FSTL5: variants seen among roughly 807,000 people sequenced by gnomAD.
FSTL5 encodes the protein follistatin like 5, also known as follistatin-related protein 5.
In FSTL5, 62 loss-of-function variants were observed where a neutral mutation model predicts 89.1. The ratio of observed to expected loss-of-function variants is 0.70; its 90% CI spans 0.57 to 0.86. FSTL5 has a LOEUF of 0.86. FSTL5 is among the 40% of genes least tolerant of loss of function. The pLI, the probability that FSTL5 is intolerant of heterozygous loss-of-function variation, is 0.00. For synonymous variants in FSTL5, 383 were observed against 346.2 expected (o/e 1.11, Z -1.18); for missense variants, 1,057 against 1,001.6 (o/e 1.06, Z -0.75).
At chr4:162,014,236 A>T (rs1053591896) in intron 3 of FSTL5, among the ~76,000 whole-genome samples, 2 of 152,228 alleles carry the variant, frequency 1.3e-5, no homozygotes, top group Admixed American at 1.3e-4. Flanking sequence ...TACCACTTAG[A>T]TTTTAAAGAA....
rs568333046 is a variant in FSTL5 at position 161,838,887 on chromosome 4, C to T, written c.410-62813G>A. ...CCAGAAATCATAGCAAGTATTTACT[C>T]TGAACGCAATGGAATTATTAAACAT... On this transcript the variant is annotated intron_variant, in intron 4 of 15. Coordinates refer to ENST00000306100, the MANE Select transcript of FSTL5 (RefSeq NM_020116.5). Among the ~76,000 whole-genome samples, 38 of 149,138 alleles carry T rather than the reference C, an allele frequency of 2.5e-4. 1 individual carries two copies. The South Asian group carries it at 7.5e-3, about 30-fold the overall frequency.
intron 6 of FSTL5, among the ~76,000 whole-genome samples, chr4:161,672,144 C>A (rs1737138381): frequency 6.6e-6 from 1 of 152,144 alleles, no homozygotes; most frequent in African/African-American, 2.4e-5. Context: ...CCACGACTTT[C>A]TCTCCAAGAA....
rs1279438813 is a variant in FSTL5 at position 161,918,913 on chromosome 4, GATTACCAGGGTGAGCC to G, written c.409+1475_409+1490del. On this transcript the variant is annotated intron_variant, in intron 4 of 15. Transcript: ENST00000306100. ...CCACCTTGGCCTCCGAAAGTGCTGG[GATTACCAGGGTGAGCC>G]ACCATGCCAGGACCCCACATGATAT... is the stretch of plus-strand genomic sequence containing the variant. Among the ~76,000 whole-genome samples, 106 of 152,158 alleles carry G rather than the reference GATTACCAGGGTGAGCC, an allele frequency of 7.0e-4. 1 individual carries two copies. The highest frequency in any genetic ancestry group is 1.9e-3 in the African/African-American group (78 of 41,502).
chr4:161,436,541 A>C (rs1229671641), intron 15 of FSTL5, among the ~76,000 whole-genome samples: 1 of 152,180 alleles, frequency 6.6e-6, no homozygotes, highest in African/African-American at 2.4e-5. Flanking sequence ...ACTTCTCCAG[A>C]ATAGGTTCAC....
In FSTL5 at chr4:161,607,630, T is replaced by C. The variant is rs891245756; in HGVS notation, c.895-20055A>G. Among the ~76,000 whole-genome samples, 5 of 152,170 alleles carry C rather than the reference T, an allele frequency of 3.3e-5. No individual in the cohort carries two copies. In the East Asian group the frequency reaches 9.6e-4, roughly 29 times the overall value. On this transcript the variant is annotated intron_variant, in intron 7 of 15. Transcript: ENST00000306100. ...TGCATGGCTATATTTTCAGATATCC[T>C]ATGGGAATGGATAATTTTCTTTTAA... is the stretch of plus-strand genomic sequence containing the variant.
At chr4:161,644,794 A>T (rs1306197423) in intron 7 of FSTL5, among the ~76,000 whole-genome samples, 1 of 152,208 alleles carries the variant, frequency 6.6e-6, no homozygotes, top group Non-Finnish European at 1.5e-5. Context: ...TTGAAAGCGA[A>T]GGAGAAGTCT....
In FSTL5 at chr4:161,451,491, A is replaced by T. The variant is rs114618915; in HGVS notation, c.1841+3513T>A. On this transcript the variant is annotated intron_variant, in intron 15 of 15. Transcript: ENST00000306100. ...GGAAAATTGCAAATAATCAACAGGG[A>T]GCCAGTTTCCCAGTAGAGATTACGA... is the stretch of plus-strand genomic sequence containing the variant. Among the ~76,000 whole-genome samples, 573 of 152,332 alleles carry T rather than the reference A, an allele frequency of 3.8e-3. 4 individuals carry two copies. Among genetic ancestry groups the T allele is most frequent in the African/African-American group, 0.013 (524 of 41,576 alleles).
intron 4 of FSTL5, among the ~76,000 whole-genome samples, chr4:161,806,435 T>C (rs906562123): frequency 1.2e-4 from 18 of 152,056 alleles, no homozygotes; most frequent in African/African-American, 4.1e-4. Flanking sequence ...AAAAATGAGA[T>C]GCATGTTAAA....
At chr4:161,782,028 G>A (rs1051661887) in intron 4 of FSTL5, among the ~76,000 whole-genome samples, 3 of 151,986 alleles carry the variant, frequency 2.0e-5, no homozygotes, top group Admixed American at 1.3e-4. Flanking sequence ...CTTTCACTTA[G>A]TAATATGAAT....
chr4:161,665,920 T>A (rs1736878783), intron 6 of FSTL5, among the ~76,000 whole-genome samples: 1 of 152,058 alleles, frequency 6.6e-6, no homozygotes. Flanking sequence ...ATATGAATGT[T>A]AAAGTTTAAC....
chr4:161,781,179 AAG>A (rs1491479303), intron 4 of FSTL5, among the ~76,000 whole-genome samples: 1 of 152,090 alleles, frequency 6.6e-6, no homozygotes, highest in Admixed American at 6.5e-5. Context: ...AAGCATAAAA[AAG>A]ATGTCAAAAC....
chr4:161,858,973 G>A (rs1274270101), intron 4 of FSTL5, among the ~76,000 whole-genome samples: 2 of 152,158 alleles, frequency 1.3e-5, no homozygotes, highest in Admixed American at 1.3e-4. Context: ...TGCAATTTAT[G>A]GTTTCACATC....
intron 3 of FSTL5, among the ~76,000 whole-genome samples, chr4:161,933,822 G>T (rs1734358281): frequency 6.6e-6 from 1 of 151,876 alleles, no homozygotes; most frequent in Non-Finnish European, 1.5e-5. Context: ...AACTTACTAT[G>T]TCTCCTTTTA....
intron 4 of FSTL5, among the ~76,000 whole-genome samples, chr4:161,793,355 G>A (rs907429373): frequency 2.0e-5 from 3 of 152,152 alleles, no homozygotes. Context: ...GTTTCCAGCT[G>A]GCGAAGTAAC....
intron 6 of FSTL5, among the ~76,000 whole-genome samples, chr4:161,672,590 A>C (rs1378606319): frequency 1.3e-5 from 2 of 152,010 alleles, no homozygotes; most frequent in African/African-American, 2.4e-5. Flanking sequence ...TATGGTTTAT[A>C]ATTCTAGAGA....
chr4:162,003,327 T>C (rs1177500083), intron 3 of FSTL5, among the ~76,000 whole-genome samples: 1 of 152,190 alleles, frequency 6.6e-6, no homozygotes, highest in African/African-American at 2.4e-5. Context: ...ATGAGGTTAG[T>C]TGTGTCATTC....
At chr4:161,716,757 A>G (rs1739000923) in intron 6 of FSTL5, among the ~76,000 whole-genome samples, 1 of 152,002 alleles carries the variant, frequency 6.6e-6, no homozygotes, top group Non-Finnish European at 1.5e-5. Context: ...GACTTTATGT[A>G]TTTCATTGAC....
At chr4:161,659,336 C>G (rs1207251389) in intron 6 of FSTL5, among the ~76,000 whole-genome samples, 1 of 151,894 alleles carries the variant, frequency 6.6e-6, no homozygotes, top group Non-Finnish European at 1.5e-5. Context: ...AAAAATACAC[C>G]AAGCCAATTA....
At position 161,384,671 on chromosome 4, in the gene FSTL5, T is replaced by C. The variant is rs1239440817; in HGVS notation, c.*1076A>G. On this transcript the variant is annotated 3_prime_UTR_variant, in exon 16 of 16. Transcript: ENST00000306100. ...AGCAAAAACAATGGAGTACTACATT[T>C]TTACTTACCACTGTCGGGCTACCCC... The C allele has an allele frequency of 6.6e-6, 1 of 152,132 alleles. No homozygotes were observed. The highest frequency in any genetic ancestry group is 1.5e-5 in the Non-Finnish European group (1 of 67,988). The allele number at this position is 152,132 out of a possible 1,614,324, so 9.4% of individuals were successfully genotyped here.
Sources: gnomAD v4.1 joint callset for allele counts (sites outside exome capture counted in the v4.1 genomes callset) on GRCh38, gnomAD v4.1.1 for gene constraint, MANE v1.5 for transcripts, NCBI Gene and HGNC (gene_info 2026-07-23, HGNC 2026-07-21) for gene names.